The following DPF1 variants were observed in gnomAD, a reference collection of about 807,000 sequenced individuals.
DPF1 encodes double PHD fingers 1.
A neutral mutation model predicts 58.7 loss-of-function variants in DPF1; 14 were observed. That is an observed-to-expected ratio of 0.24 (90% CI 0.16 to 0.37). The LOEUF (loss-of-function observed/expected upper bound fraction) is 0.37. Among genes scored for constraint, DPF1 ranks in the 10% least tolerant of loss-of-function variants. The probability of loss-of-function intolerance (pLI) is 1.00; values close to 1 mark genes in which losing one functional copy is unlikely to be tolerated. For synonymous variants in DPF1, 216 were observed against 216.0 expected, an observed-to-expected ratio of 1.00 and a Z score of 0.00; for missense variants, 345 against 529.9, an observed-to-expected ratio of 0.65 and a Z score of 3.43.
At position 38,217,518 on chromosome 19, in the gene DPF1, C is replaced by T. The variant is rs1967116680; in HGVS notation, c.669G>A (p.Glu223=). 1.9e-6 allele frequency: 3 copies of T among 1,551,446 alleles called. No homozygotes were observed. The highest frequency in any genetic ancestry group is 1.7e-6 in the Non-Finnish European group (2 of 1,146,978). ...HYTHTHLAEE[E]GEENAERHAL... ...CGTGGCGTTCGGCGTTCTCCTCCCCCTCCTCCTCGGCCAGGTGGGTGTGGG... is the reference window on the plus strand; with the variant it reads ...CGTGGCGTTCGGCGTTCTCCTCCCCTTCCTCCTCGGCCAGGTGGGTGTGGG... Residue 223 remains glutamate (E), a synonymous_variant, in exon 7 of 12, where the codon GAG becomes GAA. Coordinates refer to ENST00000355526, the MANE Select transcript of DPF1 (RefSeq NM_001135155.3).
Position 38,229,516 on chromosome 19 carries a change from T to TG in DPF1, c.-132+42dup, listed in dbSNP as rs1366455068. On this transcript the variant is annotated intron_variant, in intron 1 of 11. Coordinates refer to the DPF1 transcript ENST00000412732. This position sits in a 1 kb window ranked among gnomAD's most constrained non-coding sequence, Gnocchi z 5.3. ...GGGCGGGCGGGGGAAGGGCTCCTGG[T>TG]GGGGGGGTCTGGACAGGGGGCGGGG... is the stretch of plus-strand genomic sequence containing the variant. 1.9e-5 allele frequency: 13 copies of TG among 699,886 alleles called. No homozygotes were observed. The East Asian group carries it at 8.3e-4, about 45-fold the overall frequency. The allele number at this position is 699,886 out of a possible 1,614,324, so 43.4% of individuals were successfully genotyped here.
intron 4 of DPF1, 64 bp from the exon 5 acceptor site, chr19:38,218,726 T>C: frequency 6.3e-7 from 1 of 1,588,060 alleles, no homozygotes. Flanking sequence ...TTTGAGGGGC[T>C]CTGGGCAAAG....
intron 7 of DPF1, 66 bp downstream of exon 7, chr19:38,217,394 C>CCCCCCCCCG: frequency 8.9e-7 from 1 of 1,128,156 alleles, no homozygotes; most frequent in Non-Finnish European, 1.2e-6. Flanking sequence ...CACCCCCACC[C>CCCCCCCCCG]CCAGCTGGGC....
At chr19:38,212,238 T>TGGGGGGGGGGC in intron 11 of DPF1, 42 bp downstream of exon 11, 3 of 585,178 alleles carry the variant, frequency 5.1e-6, no homozygotes, top group Non-Finnish European at 8.9e-6. Flanking sequence ...GAGATGGCGT[T>TGGGGGGGGGGC]CCCACCCACC....
rs1290253425 is a variant in DPF1 at position 38,222,538 on chromosome 19, C to T, written c.190+10G>A. 6.2e-7 allele frequency: 1 copy of T among 1,603,882 alleles called. No homozygotes were observed. The highest frequency in any genetic ancestry group is 1.7e-5 in the Admixed American group (1 of 58,834). On this transcript the variant is annotated intron_variant, in intron 2 of 11. Transcript: ENST00000355526. This position sits in a 1 kb window ranked among gnomAD's most constrained non-coding sequence, Gnocchi z 4.9. ...CCCGCCCCGCCCTGCGCCAGCCCTC[C>T]CGGCGGTACCCGGCCCGCGGTGGGT...
chr19:38,217,733 G>T (rs1460542931), intron 6 of DPF1, 65 bp downstream of exon 6: 8 of 1,605,684 alleles, frequency 5.0e-6, no homozygotes, highest in Non-Finnish European at 6.8e-6. Context: ...GAGGGAGAGG[G>T]CCACGAGGTG....
At position 38,222,064 on chromosome 19, in the gene DPF1, G is replaced by A. The variant is rs568770056; in HGVS notation, c.298+293C>T. The stretch of plus-strand genomic sequence containing the variant: ...CGCTAGGTGGAGGTTGGGGGATCAC[G>A]CCATTGCACGCCAGCCTGGGTGAAA... On this transcript the variant is annotated intron_variant, in intron 3 of 11. Coordinates refer to ENST00000355526, the MANE Select transcript of DPF1 (RefSeq NM_001135155.3). This position sits in a 1 kb window ranked among gnomAD's most constrained non-coding sequence, Gnocchi z 4.9. 8.9e-4 allele frequency among the ~76,000 whole-genome samples: 136 copies of A among 152,014 alleles called. No homozygotes were observed. The highest frequency in any genetic ancestry group is 3.0e-3 in the African/African-American group (126 of 41,462).
At chr19:38,226,515 C>CACACACACAT, upstream of DPF1, among the ~76,000 whole-genome samples, 2 of 149,668 alleles carry the variant, frequency 1.3e-5, no homozygotes, top group Admixed American at 1.3e-4. Flanking sequence ...CACACACACA[C>CACACACACAT]ACACACACAC....
chr19:38,228,764 G>C (rs540428956), upstream of DPF1: 2 of 152,500 alleles, frequency 1.3e-5, no homozygotes, highest in South Asian at 4.1e-4. Context: ...GGGTCAGGAG[G>C]GGCCAGGCTC....
chr19:38,211,942 C>A lies in DPF1; in HGVS notation c.*121G>T, dbSNP rs1294486927. On this transcript the variant is annotated 3_prime_UTR_variant, in exon 12 of 12. Coordinates refer to ENST00000355526, the MANE Select transcript of DPF1 (RefSeq NM_001135155.3). This position sits in a 1 kb window ranked among gnomAD's most constrained non-coding sequence, Gnocchi z 4.0. ...CACAGAGGGGAGGGGGTGGCCCAGCCCCCTCTCGGCTTCCCCCTCTCCCCC... is the reference window on the plus strand; with the variant it reads ...CACAGAGGGGAGGGGGTGGCCCAGCACCCTCTCGGCTTCCCCCTCTCCCCC... 22 of 1,152,338 alleles carry A rather than the reference C, an allele frequency of 1.9e-5. 1 individual carries two copies. In the East Asian group the frequency reaches 2.1e-4, roughly 11 times the overall value. The allele number at this position is 1,152,338 out of a possible 1,614,324, so 71.4% of individuals were successfully genotyped here.
At chr19:38,215,939 A>G (rs1224488919) in intron 9 of DPF1, among the ~76,000 whole-genome samples, 1 of 152,168 alleles carries the variant, frequency 6.6e-6, no homozygotes, top group Non-Finnish European at 1.5e-5. Flanking sequence ...ACATCCCATT[A>G]TCCCTAAAGC....
rs974460488 is a variant in DPF1, at chr19:38,222,021, G to A, written c.298+336C>T. Among the ~76,000 whole-genome samples, 1 of 152,024 alleles carries A rather than the reference G, an allele frequency of 6.6e-6. No individual in the cohort carries two copies. Among genetic ancestry groups the A allele is most frequent in the Non-Finnish European group, 1.5e-5 (1 of 68,014 alleles). On this transcript the variant is annotated intron_variant, in intron 3 of 11. Transcript: ENST00000355526. This position sits in a 1 kb window ranked among gnomAD's most constrained non-coding sequence, Gnocchi z 4.9. ...TGAACCTGCTAGGCGGAAGTTGCGGGTTCAAGGTTCAACTCCCCGCTAGGT... is the reference window on the plus strand; with the variant it reads ...TGAACCTGCTAGGCGGAAGTTGCGGATTCAAGGTTCAACTCCCCGCTAGGT...
chr19:38,220,682 A>G (rs1247164975), intron 3 of DPF1, among the ~76,000 whole-genome samples: 1 of 152,110 alleles, frequency 6.6e-6, no homozygotes, highest in Non-Finnish European at 1.5e-5. Flanking sequence ...CTCCAGATAC[A>G]CCTAGACCCT....
At chr19:38,214,780 C>T (rs1966889168) in intron 9 of DPF1, among the ~76,000 whole-genome samples, 2 of 152,068 alleles carry the variant, frequency 1.3e-5, no homozygotes, top group South Asian at 2.1e-4. Flanking sequence ...GATCCTCCCA[C>T]CTCAGCCTCC....
rs771648325 is a variant in DPF1, at chr19:38,229,252, A to T, written c.-132+307T>A. Among the ~76,000 whole-genome samples, 3 of 151,790 alleles carry T rather than the reference A, an allele frequency of 2.0e-5. No individual in the cohort carries two copies. Among genetic ancestry groups the T allele is most frequent in the African/African-American group, 7.3e-5 (3 of 41,324 alleles). ...CACCTCCGGAGACCCTGAGGGAGAG[A>T]TGGAGGAGAGGGAAACCCCTACCCC... On this transcript the variant is annotated intron_variant, in intron 1 of 11. Transcript: ENST00000412732. This position sits in a 1 kb window ranked among gnomAD's most constrained non-coding sequence, Gnocchi z 5.3.
At chr19:38,223,905 C>T in intron 1 of DPF1, 2 of 545,430 alleles carry the variant, frequency 3.7e-6, no homozygotes, top group Non-Finnish European at 5.6e-6. Context: ...CTGGAGGCCC[C>T]CCACGCCCTC....
upstream of DPF1, among the ~76,000 whole-genome samples, chr19:38,227,690 C>T (rs552992668): frequency 1.3e-5 from 2 of 152,342 alleles, no homozygotes; most frequent in South Asian, 4.1e-4. Flanking sequence ...ACAGTCCCAT[C>T]GGGTGGTAAG....
chr19:38,217,377 G>GCGC lies in DPF1; in HGVS notation c.727+82_727+83insGCG. ...TGGAGATTTTCCAGAAATGTCTAAT[G>GCGC]CCCCCCCACCCCCACCCCCAGCTGG... On this transcript the variant is annotated intron_variant, in intron 7 of 11. Coordinates refer to ENST00000355526, the MANE Select transcript of DPF1 (RefSeq NM_001135155.3). 13 of 774,480 alleles carry GCGC rather than the reference G, an allele frequency of 1.7e-5. 1 individual carries two copies. The highest frequency in any genetic ancestry group is 2.1e-5 in the Non-Finnish European group (11 of 525,994). The allele number at this position is 774,480 out of a possible 1,614,324, so 48.0% of individuals were successfully genotyped here. A position where few individuals can be genotyped will look rare whatever the true frequency, so the allele number is the denominator to read the frequency against.
upstream of DPF1, among the ~76,000 whole-genome samples, chr19:38,226,906 G>C (rs1257771344): frequency 6.6e-6 from 1 of 152,056 alleles, no homozygotes; most frequent in African/African-American, 2.4e-5. Flanking sequence ...AAGCCCGAGT[G>C]TAGACACTGA....
Sources: gnomAD v4.1 joint callset for allele counts (sites outside exome capture counted in the v4.1 genomes callset) on GRCh38, gnomAD v4.1.1 for gene constraint, Gnocchi (gnomAD v3.1) non-coding constraint, MANE v1.5 for transcripts, NCBI Gene and HGNC (gene_info 2026-07-23, HGNC 2026-07-21) for gene names.